Variants in CAMSAP2 observed in about 807,000 individuals in gnomAD.
The protein encoded by CAMSAP2 is calmodulin regulated spectrin associated protein family member 2.
Under a neutral mutation model 146.1 loss-of-function variants are expected in CAMSAP2, and 26 were observed. The observed-to-expected ratio is 0.18, with a 90% CI of 0.13 to 0.25. The LOEUF (loss-of-function observed/expected upper bound fraction) is 0.25, where lower values mean the gene tolerates loss of function less well. Among genes scored for constraint, CAMSAP2 ranks in the 10% least tolerant of loss-of-function variants. The pLI is 1.00. For synonymous variants in CAMSAP2, 499 were observed against 596.6 expected (o/e 0.84, Z 2.38); for missense variants, 1,381 against 1,759.3 (o/e 0.78, Z 3.85).
At chr1:200,794,416 G>A (rs375615706) in intron 2 of CAMSAP2, among the ~76,000 whole-genome samples, 6 of 152,134 alleles carry the variant, frequency 3.9e-5, no homozygotes, top group African/African-American at 1.4e-4. Context: ...GCTGTTTTCT[G>A]TGAAGCCTTG....
chr1:200,765,446 G>A (rs938995342), intron 2 of CAMSAP2, among the ~76,000 whole-genome samples: 3 of 151,992 alleles, frequency 2.0e-5, no homozygotes, highest in African/African-American at 7.3e-5. Context: ...GGCCAGGCTG[G>A]TCTCGAGCTC....
intron 4 of CAMSAP2, among the ~76,000 whole-genome samples, chr1:200,821,317 G>T (rs1382791260): frequency 6.6e-6 from 1 of 151,632 alleles, no homozygotes; most frequent in Non-Finnish European, 1.5e-5. Context: ...CAACTACTTG[G>T]GACTACAGGC....
In CAMSAP2 at chr1:200,831,071, C is replaced by A. The variant is rs182439340; in HGVS notation, c.646-1129C>A. On this transcript the variant is annotated intron_variant, in intron 4 of 16. Transcript: ENST00000358823. Reference sequence around the variant, plus strand: ...TTTATCTTATAATTATATTTTAATTCTAAACTATAGAGATGACCAATTTAG... The same window carrying A: ...TTTATCTTATAATTATATTTTAATTATAAACTATAGAGATGACCAATTTAG... 2.1e-3 allele frequency among the ~76,000 whole-genome samples: 319 copies of A among 151,856 alleles called. 1 individual carries two copies. The highest frequency in any genetic ancestry group is 7.5e-3 in the African/African-American group (310 of 41,406).
At chr1:200,811,088 C>G (rs1055278652) in intron 3 of CAMSAP2, among the ~76,000 whole-genome samples, 1 of 152,138 alleles carries the variant, frequency 6.6e-6, no homozygotes, top group Non-Finnish European at 1.5e-5. Context: ...AAAGGCAAAT[C>G]CAATCAATAT....
intron 2 of CAMSAP2, among the ~76,000 whole-genome samples, chr1:200,802,218 T>A (rs934216320): frequency 6.6e-5 from 10 of 152,192 alleles, no homozygotes; most frequent in African/African-American, 2.4e-4. Context: ...AAAAGATTTA[T>A]TGTGAAATAC....
rs759200515 is a variant in CAMSAP2, at chr1:200,848,315, C to G, written c.1546C>G (p.His516Asp). ...TGAACTAAATTCTAATGAGAATATT[C>G]ATTACAAGCTTCCAAATGGAGCTTT... ...TNELNSNENIHYKLPNGALQN... is the reference protein window; with the variant it reads ...TNELNSNENIDYKLPNGALQN... Residue 516 changes from histidine (H) to aspartate (D), a missense_variant, in exon 11 of 17, where the codon CAT (histidine) becomes GAT (aspartate). By Grantham distance (81) the His-to-Asp change is moderately conservative. This residue lies in a region of CAMSAP2 where 447 missense variants were observed against 462.2 expected (regional missense o/e 0.97). Coordinates refer to ENST00000358823, the MANE Select transcript of CAMSAP2 (RefSeq NM_203459.4). The G allele has an allele frequency of 1.2e-6, 2 of 1,613,580 alleles. No homozygotes were observed. Among genetic ancestry groups the G allele is most frequent in the Non-Finnish European group, 1.7e-6 (2 of 1,179,802 alleles).
rs1300475072 is a variant in CAMSAP2, at chr1:200,807,377, G to A, written c.401G>A (p.Ser134Asn). 2 of 1,507,680 alleles carry A rather than the reference G, an allele frequency of 1.3e-6. No homozygotes were observed. Among genetic ancestry groups the A allele is most frequent in the Non-Finnish European group, 1.8e-6 (2 of 1,124,366 alleles). 93.4% of individuals were successfully genotyped at this position (1,507,680 alleles called of 1,614,324 possible). Residue 134 changes from serine (S) to asparagine (N), a missense_variant and splice_region_variant, in exon 3 of 17, where the codon AGT becomes AAT. Physicochemically the swap from Ser to Asn is conservative, Grantham distance 46. Transcript: ENST00000358823. ...RDLHKKPIQM[S>N]AHLAMIDTLM... The stretch of plus-strand genomic sequence containing the variant: ...TTTGTTCTTGTTTTATATTTTCAGA[G>A]TGCACATTTGGCCATGATCGATACC...
Position 200,857,484 on chromosome 1 carries a change from A to G in CAMSAP2, c.4131+60A>G. On this transcript the variant is annotated intron_variant, in intron 16 of 16. Transcript: ENST00000358823. This position sits in a 1 kb window ranked among gnomAD's most constrained non-coding sequence, Gnocchi z 4.7. ...ACTGTAGAAGTCTTTTATCCATTCA[A>G]GAGAATGTACTCTCATGGGCCTAGA... is the stretch of plus-strand genomic sequence containing the variant. 1 of 1,168,264 alleles carries G rather than the reference A, an allele frequency of 8.6e-7. No homozygotes were observed. Among genetic ancestry groups the G allele is most frequent in the Non-Finnish European group, 1.3e-6 (1 of 777,868 alleles). 72.4% of individuals were successfully genotyped at this position (1,168,264 alleles called of 1,614,324 possible). A position where few individuals can be genotyped will look rare whatever the true frequency, so the allele number is the denominator to read the frequency against.
Position 200,853,492 on chromosome 1 carries a change from C to T in CAMSAP2, c.3820C>T (p.Pro1274Ser), listed in dbSNP as rs368016881. ...ESPKTPIKGPPVSSLSLASLN... is the reference protein window; with the variant it reads ...ESPKTPIKGPSVSSLSLASLN... ...CCCCAAAACACCAATAAAGGGTCCT[C>T]CAGGTAACATAGCTTATTATGAAGA... is the stretch of plus-strand genomic sequence containing the variant. The change falls in exon 13 of 17, where the codon CCA (proline) becomes TCA (serine). Residue 1274 changes from proline to serine, a missense_variant. Around this residue, in one of 4 missense-constraint regions of CAMSAP2, gnomAD observed 560 missense variants for 715.9 expected, o/e 0.78. Coordinates refer to ENST00000358823, the MANE Select transcript of CAMSAP2 (RefSeq NM_203459.4). The surrounding 1 kb of genome is among the most constrained non-coding windows in gnomAD (Gnocchi z 5.1). 1.6e-5 allele frequency: 26 copies of T among 1,603,978 alleles called. No individual in the cohort carries two copies. Among genetic ancestry groups the T allele is most frequent in the East Asian group, 2.2e-5 (1 of 44,770 alleles).
At chr1:200,787,893 C>CTTGG (rs1463734498) in intron 2 of CAMSAP2, among the ~76,000 whole-genome samples, 16 of 152,282 alleles carry the variant, frequency 1.1e-4, no homozygotes, top group African/African-American at 3.6e-4. Flanking sequence ...TCATTGAAGG[C>CTTGG]TTGGGTGATT....
intron 3 of CAMSAP2, among the ~76,000 whole-genome samples, chr1:200,809,252 G>T (rs537931288): frequency 1.9e-4 from 29 of 152,230 alleles, no homozygotes; most frequent in African/African-American, 6.7e-4. Context: ...AACAGTTTTG[G>T]ATCGCACTCA....
chr1:200,826,552 C>G (rs1359365738), intron 4 of CAMSAP2, among the ~76,000 whole-genome samples: 1 of 152,076 alleles, frequency 6.6e-6, no homozygotes, highest in East Asian at 1.9e-4. Flanking sequence ...CACACCAAAC[C>G]AATATCCTCC....
chr1:200,758,200 G>GGT (rs1306746893), intron 1 of CAMSAP2, among the ~76,000 whole-genome samples: 2 of 152,230 alleles, frequency 1.3e-5, no homozygotes, highest in Admixed American at 1.3e-4. Context: ...TGGATATATA[G>GGT]GTATGATAGA....
chr1:200,755,659 G>A (rs924374355), intron 1 of CAMSAP2, among the ~76,000 whole-genome samples: 1 of 152,214 alleles, frequency 6.6e-6, no homozygotes, highest in Admixed American at 6.5e-5. Flanking sequence ...TTCTTGGAAG[G>A]CAAGGCTCTA....
chr1:200,808,714 AAC>A (rs1383836781), intron 3 of CAMSAP2, among the ~76,000 whole-genome samples: 1 of 152,216 alleles, frequency 6.6e-6, no homozygotes, highest in East Asian at 1.9e-4. Flanking sequence ...CCCATTCTTG[AAC>A]AGTTTCTCCT....
At chr1:200,805,727 A>G (rs780942109) in intron 2 of CAMSAP2, among the ~76,000 whole-genome samples, 35 of 152,338 alleles carry the variant, frequency 2.3e-4, no homozygotes, top group Middle Eastern at 3.4e-3. Context: ...CTTAGTCTGT[A>G]TTGTTAGGAG....
chr1:200,811,792 T>A (rs577047848), intron 3 of CAMSAP2, among the ~76,000 whole-genome samples: 13 of 152,248 alleles, frequency 8.5e-5, no homozygotes, highest in Non-Finnish European at 1.3e-4. Flanking sequence ...AAATGTAAAA[T>A]TTATCGTGGC....
intron 11 of CAMSAP2, among the ~76,000 whole-genome samples, chr1:200,852,230 G>C (rs1164236926): frequency 6.6e-6 from 1 of 152,158 alleles, no homozygotes; most frequent in East Asian, 1.9e-4. Context: ...ACTACCTACT[G>C]TAAGTTATTA....
rs755074629 is a variant in CAMSAP2 at position 200,857,717 on chromosome 1, T to G, written c.4132-37T>G. 15 of 1,492,678 alleles carry G rather than the reference T, an allele frequency of 1.0e-5. No individual in the cohort carries two copies. Among genetic ancestry groups the G allele is most frequent in the Non-Finnish European group, 1.4e-5 (15 of 1,108,622 alleles). The allele number at this position is 1,492,678 out of a possible 1,614,324, so 92.5% of individuals were successfully genotyped here. A position where few individuals can be genotyped will look rare whatever the true frequency, so the allele number is the denominator to read the frequency against. On this transcript the variant is annotated intron_variant, in intron 16 of 16. Transcript: ENST00000358823. This position sits in a 1 kb window ranked among gnomAD's most constrained non-coding sequence, Gnocchi z 4.7. ...ATTCAGCAAAATAAAGGGTTTTTAT[T>G]CGTGTTGTTATGTTGTTTTTGTTTT...
Sources: allele counts gnomAD v4.1 joint callset (sites outside exome capture counted in the v4.1 genomes callset), GRCh38; gene constraint gnomAD v4.1.1; regional missense constraint gnomAD v4.1.1; non-coding constraint Gnocchi (gnomAD v3.1); transcripts MANE v1.5; gene names NCBI Gene and HGNC (gene_info 2026-07-23, HGNC 2026-07-21).